Variants in SNX29 observed in about 807,000 individuals in gnomAD.
SNX29 encodes sorting nexin 29, also known as sorting nexin-29.
A neutral mutation model predicts 102.1 loss-of-function variants in SNX29; 78 were observed. The ratio of observed to expected loss-of-function variants is 0.76; its 90% CI spans 0.64 to 0.92. The LOEUF is 0.92. Among genes scored for constraint, SNX29 ranks in the 40% least tolerant of loss-of-function variants. SNX29 has a pLI of 0.00. For missense variants in SNX29, 1,280 were observed against 1,061.7 expected (o/e 1.21, Z -2.86); for synonymous variants, 580 against 414.5 (o/e 1.40, Z -4.85).
chr16:12,021,342 C>T (rs936904222), intron 3 of SNX29, among the ~76,000 whole-genome samples: 2 of 152,064 alleles, frequency 1.3e-5, no homozygotes, highest in Non-Finnish European at 2.9e-5. Flanking sequence ...AGGACAATTG[C>T]TTGAACCCAG....
At chr16:12,077,891 G>C (rs1374149629) in intron 10 of SNX29, among the ~76,000 whole-genome samples, 1 of 152,094 alleles carries the variant, frequency 6.6e-6, no homozygotes, top group Admixed American at 6.6e-5. Context: ...AAAGTATTGC[G>C]ATTACAGGCA....
chr16:12,300,171 C>A (rs536131441), intron 15 of SNX29, among the ~76,000 whole-genome samples: 19 of 152,300 alleles, frequency 1.2e-4, no homozygotes, highest in African/African-American at 4.3e-4. Context: ...TGCAGCTGGC[C>A]GGGATAAATA....
chr16:11,991,236 G>T (rs1180886014), intron 1 of SNX29, among the ~76,000 whole-genome samples: 3 of 152,234 alleles, frequency 2.0e-5, no homozygotes, highest in Admixed American at 2.0e-4. Flanking sequence ...TGTAATACTA[G>T]TAAGTCATTT....
chr16:12,184,403 A>G (rs756680767), intron 13 of SNX29, among the ~76,000 whole-genome samples: 2 of 152,248 alleles, frequency 1.3e-5, no homozygotes, highest in African/African-American at 4.8e-5. Flanking sequence ...AGGCAGGCCC[A>G]GAGTTGTTGG....
At chr16:12,294,414 C>T (rs1480730542) in intron 15 of SNX29, among the ~76,000 whole-genome samples, 1 of 152,174 alleles carries the variant, frequency 6.6e-6, no homozygotes, top group African/African-American at 2.4e-5. Context: ...TCGTTCCTCC[C>T]TCCGATGGGC....
rs147042065 is a variant in SNX29 at position 12,572,900 on chromosome 16, G to C, written c.*4271G>C. 1 of 1,027,616 alleles carries C rather than the reference G, an allele frequency of 9.7e-7. No individual in the cohort carries two copies. Among genetic ancestry groups the C allele is most frequent in the Non-Finnish European group, 1.2e-6 (1 of 845,552 alleles). The allele number at this position is 1,027,616 out of a possible 1,614,324, so 63.7% of individuals were successfully genotyped here. A position where few individuals can be genotyped will look rare whatever the true frequency, so the allele number is the denominator to read the frequency against. On this transcript the variant is annotated 3_prime_UTR_variant, in exon 21 of 21. Coordinates refer to ENST00000566228, the MANE Select transcript of SNX29 (RefSeq NM_032167.5). Reference sequence around the variant, plus strand: ...TTGACTCTGCCTTGGCATTTCGCTCGGAATCACGGCAGACTTGGAGTGTTT... The same window carrying C: ...TTGACTCTGCCTTGGCATTTCGCTCCGAATCACGGCAGACTTGGAGTGTTT...
intron 18 of SNX29, among the ~76,000 whole-genome samples, chr16:12,465,328 C>T (rs1597476110): frequency 1.3e-5 from 2 of 152,288 alleles, no homozygotes; most frequent in South Asian, 2.1e-4. Flanking sequence ...CCTATGTCTT[C>T]TTCTAGGAGT....
chr16:12,035,375 T>G (rs1178639616), intron 4 of SNX29, among the ~76,000 whole-genome samples: 1 of 151,968 alleles, frequency 6.6e-6, no homozygotes, highest in Non-Finnish European at 1.5e-5. Flanking sequence ...CCATGCCTGG[T>G]TAATTTATTT....
intron 16 of SNX29, among the ~76,000 whole-genome samples, chr16:12,390,862 C>G (rs539682564): frequency 1.3e-4 from 19 of 147,576 alleles, no homozygotes; most frequent in African/African-American, 4.8e-4. Context: ...CCAGCTGACT[C>G]AAGTCTTGTT....
At chr16:12,290,325 G>T (rs944157586) in intron 15 of SNX29, among the ~76,000 whole-genome samples, 3 of 152,106 alleles carry the variant, frequency 2.0e-5, no homozygotes, top group African/African-American at 7.2e-5. Flanking sequence ...GTCCCACCTG[G>T]AACCCTGTTC....
chr16:12,417,252 C>T (rs974314050), intron 18 of SNX29, among the ~76,000 whole-genome samples: 1 of 152,214 alleles, frequency 6.6e-6, no homozygotes, highest in African/African-American at 2.4e-5. Context: ...CGTAGCCAGG[C>T]TGTGTGTACC....
At chr16:12,133,063 G>T (rs915425275) in intron 13 of SNX29, among the ~76,000 whole-genome samples, 1 of 152,110 alleles carries the variant, frequency 6.6e-6, no homozygotes, top group Non-Finnish European at 1.5e-5. Flanking sequence ...GTGGAGTGTC[G>T]CAGGCTGGAA....
intron 14 of SNX29, among the ~76,000 whole-genome samples, chr16:12,234,015 A>G (rs1251211723): frequency 6.6e-6 from 1 of 152,154 alleles, no homozygotes; most frequent in Non-Finnish European, 1.5e-5. Flanking sequence ...GTCGATGGAC[A>G]TTTGGGTTTC....
intron 1 of SNX29, among the ~76,000 whole-genome samples, chr16:11,978,746 T>G (rs1057411883): frequency 9.2e-5 from 14 of 152,068 alleles, no homozygotes; most frequent in African/African-American, 2.4e-5. Flanking sequence ...CCAATAGAAA[T>G]TGATCAGTTT....
At chr16:12,459,614 G>A (rs1340678163) in intron 18 of SNX29, among the ~76,000 whole-genome samples, 1 of 152,184 alleles carries the variant, frequency 6.6e-6, no homozygotes, top group Non-Finnish European at 1.5e-5. Flanking sequence ...CGTGGGGCTG[G>A]GTGGAGGGAG....
intron 14 of SNX29, among the ~76,000 whole-genome samples, chr16:12,255,362 A>AT (rs112355013): frequency 0.069 from 10,490 of 151,164 alleles, 803 homozygotes; most frequent in African/African-American, 0.19. Flanking sequence ...TGCCTGGCTA[A>AT]TTTTTTTTTA....
chr16:12,528,547 C>G (rs188585593), intron 20 of SNX29, among the ~76,000 whole-genome samples: 4 of 152,164 alleles, frequency 2.6e-5, no homozygotes, highest in Non-Finnish European at 5.9e-5. Flanking sequence ...ACCATTCCCC[C>G]ACTCTCCCAC....
intron 14 of SNX29, among the ~76,000 whole-genome samples, chr16:12,238,792 C>T (rs1485847418): frequency 6.6e-6 from 1 of 152,172 alleles, no homozygotes; most frequent in East Asian, 1.9e-4. Context: ...CCTAGAAGGT[C>T]ACACTTAGGC....
intron 20 of SNX29, among the ~76,000 whole-genome samples, chr16:12,525,977 T>A (rs2076772168): frequency 6.6e-6 from 1 of 152,136 alleles, no homozygotes; most frequent in South Asian, 2.1e-4. Context: ...TCCTTGGAAT[T>A]AGGGGAACCA....
Sources: allele counts gnomAD v4.1 joint callset (sites outside exome capture counted in the v4.1 genomes callset), GRCh38; gene constraint gnomAD v4.1.1; transcripts MANE v1.5; gene names NCBI Gene and HGNC (gene_info 2026-07-23, HGNC 2026-07-21).